Variants in CDH13 observed in about 807,000 individuals in gnomAD.
The protein encoded by CDH13 is cadherin 13.
Under a neutral mutation model 63.8 loss-of-function variants are expected in CDH13, and 24 were observed. The ratio of observed to expected loss-of-function variants is 0.38; its 90% CI spans 0.27 to 0.53. The LOEUF (loss-of-function observed/expected upper bound fraction) is 0.53. CDH13 is among the 20% of genes least tolerant of loss of function. The pLI, the probability that CDH13 is intolerant of heterozygous loss-of-function variation, is 0.85. For synonymous variants in CDH13, 503 were observed against 355.3 expected (o/e 1.42, Z -4.67); for missense variants, 1,049 against 903.1 (o/e 1.16, Z -2.07).
chr16:83,454,026 T>C (rs550369129), intron 6 of CDH13, among the ~76,000 whole-genome samples: 1 of 152,354 alleles, frequency 6.6e-6, no homozygotes, highest in Admixed American at 6.5e-5. Flanking sequence ...TGCAACTTTA[T>C]CCTGGCTTCT....
chr16:83,493,269 A>G (rs948906007), intron 7 of CDH13, among the ~76,000 whole-genome samples: 2 of 152,226 alleles, frequency 1.3e-5, no homozygotes, highest in Non-Finnish European at 2.9e-5. Flanking sequence ...CTCCTACAGG[A>G]CGTACATTTA....
intron 6 of CDH13, among the ~76,000 whole-genome samples, chr16:83,404,278 A>C (rs1351596552): frequency 6.6e-6 from 1 of 152,228 alleles, no homozygotes; most frequent in Non-Finnish European, 1.5e-5. Flanking sequence ...TTAGGAACCA[A>C]AAAACAAATT....
intron 6 of CDH13, among the ~76,000 whole-genome samples, chr16:83,400,160 T>A (rs926077682): frequency 6.6e-6 from 1 of 152,036 alleles, no homozygotes; most frequent in Non-Finnish European, 1.5e-5. Context: ...TTAACAGATA[T>A]TAGAGAAAAC....
At chr16:82,968,851 G>T (rs1236176687) in intron 2 of CDH13, among the ~76,000 whole-genome samples, 8 of 152,206 alleles carry the variant, frequency 5.3e-5, no homozygotes, top group Admixed American at 5.2e-4. Context: ...TGGGTGTAGT[G>T]GCTCACGCCT....
chr16:83,034,884 C>G (rs1916706900), intron 3 of CDH13, among the ~76,000 whole-genome samples: 1 of 152,108 alleles, frequency 6.6e-6, no homozygotes, highest in Non-Finnish European at 1.5e-5. Context: ...CTGTTTCTCG[C>G]TTGCTGCTGT....
intron 2 of CDH13, among the ~76,000 whole-genome samples, chr16:83,010,032 G>C (rs1913960356): frequency 6.6e-6 from 1 of 150,692 alleles, no homozygotes; most frequent in Non-Finnish European, 1.5e-5. Flanking sequence ...CTACTCAGGA[G>C]GCTGAGGCAG....
At chr16:83,351,056 C>G (rs970367747) in intron 6 of CDH13, among the ~76,000 whole-genome samples, 2 of 152,182 alleles carry the variant, frequency 1.3e-5, no homozygotes, top group South Asian at 2.1e-4. Flanking sequence ...ATATTTGACA[C>G]CTAGCTCAGC....
chr16:83,339,576 G>A (rs1050440104), intron 5 of CDH13, among the ~76,000 whole-genome samples: 11 of 152,048 alleles, frequency 7.2e-5, no homozygotes, highest in African/African-American at 1.7e-4. Context: ...ACCAGGATAC[G>A]GAGAGGTGCA....
intron 1 of CDH13, among the ~76,000 whole-genome samples, chr16:82,730,962 A>T (rs1341966009): frequency 6.6e-6 from 1 of 152,204 alleles, no homozygotes; most frequent in East Asian, 1.9e-4. Context: ...TTTCCTGATT[A>T]TTTTACTACA....
chr16:83,073,389 A>C (rs1822143728), intron 3 of CDH13, among the ~76,000 whole-genome samples: 1 of 145,362 alleles, frequency 6.9e-6, no homozygotes, highest in Admixed American at 6.9e-5. Flanking sequence ...TTTCTTAATT[A>C]CCACACCATA....
chr16:82,806,511 G>C (rs552909258), intron 1 of CDH13, among the ~76,000 whole-genome samples: 1 of 152,040 alleles, frequency 6.6e-6, no homozygotes, highest in Non-Finnish European at 1.5e-5. Flanking sequence ...GTTTTGTTTT[G>C]TTTTTGTAAC....
At chr16:83,127,927 T>C (rs1281143952) in intron 4 of CDH13, among the ~76,000 whole-genome samples, 1 of 152,192 alleles carries the variant, frequency 6.6e-6, no homozygotes, top group Non-Finnish European at 1.5e-5. Context: ...CCTGTCCCCT[T>C]GGGCAGCCCT....
chr16:82,855,641 C>A (rs1170372612), intron 1 of CDH13, among the ~76,000 whole-genome samples: 3 of 152,176 alleles, frequency 2.0e-5, no homozygotes, highest in African/African-American at 4.8e-5. Context: ...CCAGAGCGAT[C>A]TAACCAGAGC....
chr16:83,406,459 T>TTCTC (rs1188131277), intron 6 of CDH13, among the ~76,000 whole-genome samples: 1 of 149,918 alleles, frequency 6.7e-6, no homozygotes, highest in Non-Finnish European at 1.5e-5. Flanking sequence ...CTTTCTCTTT[T>TTCTC]TCTCTCTCTC....
intron 7 of CDH13, among the ~76,000 whole-genome samples, chr16:83,592,376 G>A (rs74548344): frequency 0.019 from 2,959 of 152,238 alleles, 99 homozygotes; most frequent in African/African-American, 0.068. Flanking sequence ...TGCACCAAAA[G>A]CAGAGTCTGT....
At chr16:83,611,243 T>C (rs1284342453) in intron 8 of CDH13, among the ~76,000 whole-genome samples, 1 of 152,128 alleles carries the variant, frequency 6.6e-6, no homozygotes, top group Non-Finnish European at 1.5e-5. Flanking sequence ...GCTTTCCTCT[T>C]CTCTCTCTGA....
At chr16:83,035,689 T>C in intron 3 of CDH13, among the ~76,000 whole-genome samples, 1 of 152,032 alleles carries the variant, frequency 6.6e-6, no homozygotes. Flanking sequence ...GTTGGGAGGG[T>C]CTACGAGGGA....
At chr16:83,596,981 G>A (rs1907323103) in intron 7 of CDH13, among the ~76,000 whole-genome samples, 1 of 152,158 alleles carries the variant, frequency 6.6e-6, no homozygotes, top group African/African-American at 2.4e-5. Flanking sequence ...TCAGCACTTG[G>A]GGAGCCTGTG....
intron 2 of CDH13, among the ~76,000 whole-genome samples, chr16:83,006,208 C>G (rs1053442181): frequency 6.6e-6 from 1 of 152,062 alleles, no homozygotes; most frequent in African/African-American, 2.4e-5. Context: ...AATACATAAA[C>G]AAAAAAGACC....
Sources: allele counts gnomAD v4.1 joint callset (sites outside exome capture counted in the v4.1 genomes callset), GRCh38; gene constraint gnomAD v4.1.1; transcripts MANE v1.5; gene names NCBI Gene and HGNC (gene_info 2026-07-23, HGNC 2026-07-21).